The following H6PD variants were observed in gnomAD, a reference collection of about 807,000 sequenced individuals.
H6PD encodes hexose-6-phosphate dehydrogenase/glucose 1-dehydrogenase, also known as GDH/6PGL endoplasmic bifunctional protein.
H6PD carries 48 observed loss-of-function variants against 61.2 expected under a neutral mutation model. The ratio of observed to expected loss-of-function variants is 0.78; its 90% confidence interval spans 0.62 to 1.00. The LOEUF is 1.00. Among genes scored for constraint, H6PD ranks in the 50% least tolerant of loss-of-function variants. H6PD has a pLI of 0.00. For synonymous variants in H6PD, 480 were observed against 457.9 expected (o/e 1.05, Z -0.62); for missense variants, 1,093 against 1,065.0 (o/e 1.03, Z -0.37).
rs1319135764 is a variant in H6PD, at chr1:9,240,054, C to T, written c.-10-4871C>T. 6 of 1,210,966 alleles carry T rather than the reference C, an allele frequency of 5.0e-6. No homozygotes were observed. The African/African-American group carries it at 7.8e-5, about 16-fold the overall frequency. The allele number at this position is 1,210,966 out of a possible 1,614,324, so 75.0% of individuals were successfully genotyped here. A position where few individuals can be genotyped will look rare whatever the true frequency, so the allele number is the denominator to read the frequency against. On this transcript the variant is annotated intron_variant, in intron 1 of 4. Transcript: ENST00000377403. ...CCCAGGATGACTCGTAGGAGCCTCT[C>T]AGGATTAGAGTTGGAGACAGTGAAG...
intron 1 of H6PD, chr1:9,239,853 C>T (rs1034120826): frequency 8.9e-6 from 4 of 447,896 alleles, no homozygotes; most frequent in South Asian, 1.1e-4. Flanking sequence ...TACCAGAAAA[C>T]GCTCTGCGGC....
chr1:9,246,055 G>A lies in H6PD; in HGVS notation c.627+494G>A, dbSNP rs150610745. 2.1e-3 allele frequency among the ~76,000 whole-genome samples: 325 copies of A among 151,352 alleles called. 2 individuals carry two copies. The highest frequency in any genetic ancestry group is 7.5e-3 in the African/African-American group (307 of 41,152). On this transcript the variant is annotated intron_variant, in intron 2 of 4. Coordinates refer to ENST00000377403, the MANE Select transcript of H6PD (RefSeq NM_004285.4). ...CCTCCTGGGTTCCAGCAATTCTCCC[G>A]CCTCAGCCTCCCAAGTAGCTCGGAG...
rs115770343 is a variant in H6PD at position 9,244,812 on chromosome 1, A to G, written c.-10-113A>G. On this transcript the variant is annotated intron_variant, in intron 1 of 4. Transcript: ENST00000377403. The stretch of plus-strand genomic sequence containing the variant: ...AGCTGTGGGCTTATAACATTTTCTT[A>G]AGAAACACGTGGTGGTTTCTTGCCA... The G allele has an allele frequency of 3.0e-3, 3,000 of 1,000,414 alleles. 65 individuals are homozygous for G. In the African/African-American group the frequency reaches 0.042, roughly 14 times the overall value. 62.0% of individuals were successfully genotyped at this position (1,000,414 alleles called of 1,614,324 possible).
In H6PD at chr1:9,267,007, A is replaced by ACAGG. The variant is rs1638583753; in HGVS notation, c.*2139_*2142dup. On this transcript the variant is annotated 3_prime_UTR_variant, in exon 5 of 5. Coordinates refer to ENST00000377403, the MANE Select transcript of H6PD (RefSeq NM_004285.4). ...GTCTAATTTTTGTATTTTAGTAGAGACAGGGTTTCACCATGTTGCCCAGGC... is the reference window on the plus strand; with the variant it reads ...GTCTAATTTTTGTATTTTAGTAGAGACAGGCAGGGTTTCACCATGTTGCCCAGGC... 3.3e-5 allele frequency: 5 copies of ACAGG among 152,320 alleles called. No homozygotes were observed. The highest frequency in any genetic ancestry group is 1.2e-4 in the African/African-American group (5 of 41,546). The allele number at this position is 152,320 out of a possible 1,614,324, so 9.4% of individuals were successfully genotyped here.
intron 1 of H6PD, among the ~76,000 whole-genome samples, chr1:9,241,809 T>G (rs1345908508): frequency 6.6e-6 from 1 of 152,190 alleles, no homozygotes; most frequent in Non-Finnish European, 1.5e-5. Context: ...TTTAGCATCG[T>G]GACTGAGGGT....
intron 3 of H6PD, among the ~76,000 whole-genome samples, chr1:9,251,392 C>T (rs546121283): frequency 1.3e-5 from 2 of 152,164 alleles, no homozygotes; most frequent in South Asian, 4.1e-4. Context: ...CACTCAGGGC[C>T]AGTCTCCTTG....
In H6PD at chr1:9,245,857, C is replaced by T. The variant is rs540666153; in HGVS notation, c.627+296C>T. ...CACGGTTGCCCTGCATCCCCTGTAG[C>T]GGTGGCTCAGCAACTCTGGTGTCTG... On this transcript the variant is annotated intron_variant, in intron 2 of 4. Coordinates refer to ENST00000377403, the MANE Select transcript of H6PD (RefSeq NM_004285.4). The surrounding 1 kb of genome is among the most constrained non-coding windows in gnomAD (Gnocchi z 4.8). Among the ~76,000 whole-genome samples, 2 of 152,200 alleles carry T rather than the reference C, an allele frequency of 1.3e-5. No homozygotes were observed. The highest frequency in any genetic ancestry group is 2.1e-4 in the South Asian group (1 of 4,822).
At chr1:9,242,838 G>A in intron 1 of H6PD, 1 of 985,484 alleles carries the variant, frequency 1.0e-6, no homozygotes, top group Non-Finnish European at 1.2e-6. Context: ...ATTTCTTGCT[G>A]CCTCTCTCCT....
intron 3 of H6PD, among the ~76,000 whole-genome samples, chr1:9,259,422 T>C (rs111877396): frequency 3.7e-4 from 56 of 152,352 alleles, no homozygotes; most frequent in African/African-American, 1.3e-3. Context: ...AACAACTTGT[T>C]GTTACACCAG....
At position 9,265,849 on chromosome 1, in the gene H6PD, G is replaced by A. The variant is rs114168971; in HGVS notation, c.*980G>A. The A allele has an allele frequency of 7.7e-3, 1,176 of 152,286 alleles. 13 individuals are homozygous for A. Among genetic ancestry groups the A allele is most frequent in the African/African-American group, 0.026 (1,066 of 41,504 alleles). 9.4% of individuals were successfully genotyped at this position (152,286 alleles called of 1,614,324 possible). A position where few individuals can be genotyped will look rare whatever the true frequency, so the allele number is the denominator to read the frequency against. ...TTTCTCATTTGATGACTTGCTCTGCGTGGGGAGGTGGGGTCTCATTCCCCC... is the reference window on the plus strand; with the variant it reads ...TTTCTCATTTGATGACTTGCTCTGCATGGGGAGGTGGGGTCTCATTCCCCC... On this transcript the variant is annotated 3_prime_UTR_variant, in exon 5 of 5. Transcript: ENST00000377403.
At chr1:9,236,634 A>G (rs1448790839) in intron 1 of H6PD, among the ~76,000 whole-genome samples, 1 of 148,540 alleles carries the variant, frequency 6.7e-6, no homozygotes, top group Non-Finnish European at 1.5e-5. Flanking sequence ...GTGCCACTGC[A>G]CTCCAGCCTG....
Position 9,262,042 on chromosome 1 carries a change from C to T in H6PD, c.746-17C>T. Reference sequence around the variant, plus strand: ...CTCTCTTTAGATCCTCCCCACTTCTCCACCTCCCTCCACCAGGCCGCACCA... The same window carrying T: ...CTCTCTTTAGATCCTCCCCACTTCTTCACCTCCCTCCACCAGGCCGCACCA... On this transcript the variant is annotated splice_polypyrimidine_tract_variant and intron_variant, in intron 3 of 4. Transcript: ENST00000377403. 6.2e-7 allele frequency: 1 copy of T among 1,613,958 alleles called. No homozygotes were observed.
rs746924331 is a variant in H6PD, at chr1:9,263,996, C to T, written c.1503C>T (p.Tyr501=). ...TGGCCCATAAGGCCCCACGCCTCTA[C>T]CCTGGAGGAGCTGAGAATGGCCGTC... ...ESLAHKAPRL[Y]PGGAENGRLL... is the part of the protein sequence containing the mutation. The change falls in exon 5 of 5, where the codon TAC becomes TAT. Residue 501 remains tyrosine, a synonymous_variant. Transcript: ENST00000377403. 3 of 1,614,100 alleles carry T rather than the reference C, an allele frequency of 1.9e-6. No individual in the cohort carries two copies. Among genetic ancestry groups the T allele is most frequent in the African/African-American group, 2.7e-5 (2 of 74,946 alleles).
In H6PD at chr1:9,254,529, C is replaced by T. The variant is rs1271959424; in HGVS notation, c.745+7446C>T. ...ACTTCTTTGCAGTTCACTGTGACTT[C>T]GTTCCCTCCTACCTTTGTTACTTCC... is the stretch of plus-strand genomic sequence containing the variant. On this transcript the variant is annotated intron_variant, in intron 3 of 4. Transcript: ENST00000377403. The surrounding 1 kb of genome is among the most constrained non-coding windows in gnomAD (Gnocchi z 4.6). 4.6e-5 allele frequency among the ~76,000 whole-genome samples: 7 copies of T among 152,172 alleles called. No individual in the cohort carries two copies. The South Asian group carries it at 6.2e-4, about 14-fold the overall frequency.
rs774793481 is a variant in H6PD at position 9,263,723 on chromosome 1, T to G, written c.1230T>G (p.Pro410=). The part of the protein sequence containing the change: ...FHIGHGDLGS[P]AVLVSRNLFR... ...TCGGCCATGGCGACCTGGGCAGCCC[T>G]GCCGTGCTGGTCAGCAGGAACCTGT... is the stretch of plus-strand genomic sequence containing the variant. Residue 410 remains proline, a synonymous_variant, in exon 5 of 5, where the codon CCT becomes CCG. Coordinates refer to ENST00000377403, the MANE Select transcript of H6PD (RefSeq NM_004285.4). 5.6e-6 allele frequency: 9 copies of G among 1,613,866 alleles called. No individual in the cohort carries two copies. The Admixed American group carries it at 6.7e-5, about 12-fold the overall frequency.
chr1:9,237,565 T>G (rs923719579), intron 1 of H6PD, among the ~76,000 whole-genome samples: 2 of 152,190 alleles, frequency 1.3e-5, no homozygotes, highest in Non-Finnish European at 2.9e-5. Flanking sequence ...CTTAGTTTCC[T>G]CTCTACTCCC....
At chr1:9,259,810 C>T (rs562287068) in intron 3 of H6PD, among the ~76,000 whole-genome samples, 4 of 136,856 alleles carry the variant, frequency 2.9e-5, no homozygotes, top group South Asian at 2.5e-4. Flanking sequence ...GCTGTTGTTA[C>T]GGTGGTGTTA....
At position 9,269,150 on chromosome 1, in the gene H6PD, A is replaced by G. The variant is rs569718704; in HGVS notation, c.*4281A>G. 1 of 152,312 alleles carries G rather than the reference A, an allele frequency of 6.6e-6. No homozygotes were observed. The highest frequency in any genetic ancestry group is 2.1e-4 in the South Asian group (1 of 4,822). The allele number at this position is 152,312 out of a possible 1,614,324, so 9.4% of individuals were successfully genotyped here. A position where few individuals can be genotyped will look rare whatever the true frequency, so the allele number is the denominator to read the frequency against. ...GGTGGCCACAGTGACCGGACGACAAATGAGACTCTGCAAATGAGACTCCAG... is the reference window on the plus strand; with the variant it reads ...GGTGGCCACAGTGACCGGACGACAAGTGAGACTCTGCAAATGAGACTCCAG... On this transcript the variant is annotated 3_prime_UTR_variant, in exon 5 of 5. Transcript: ENST00000377403. This position sits in a 1 kb window ranked among gnomAD's most constrained non-coding sequence, Gnocchi z 4.3.
chr1:9,262,004 C>A, intron 3 of H6PD, 55 bp from the exon 4 acceptor site: 1 of 1,582,656 alleles, frequency 6.3e-7, no homozygotes, highest in Non-Finnish European at 8.7e-7. Flanking sequence ...TCGGGGAGAT[C>A]TGATGTTCTG....
Sources: allele counts gnomAD v4.1 joint callset (sites outside exome capture counted in the v4.1 genomes callset), GRCh38; gene constraint gnomAD v4.1.1; non-coding constraint Gnocchi (gnomAD v3.1); transcripts MANE v1.5; gene names NCBI Gene and HGNC (gene_info 2026-07-23, HGNC 2026-07-21).